KEL: variants seen among roughly 807,000 people sequenced by gnomAD.
The protein encoded by KEL is Kell metallo-endopeptidase (Kell blood group), also known as kell blood group glycoprotein.
KEL carries 96 observed loss-of-function variants against 99.5 expected under a neutral mutation model. The observed-to-expected ratio is 0.97, with a 90% CI of 0.82 to 1.14. The LOEUF (loss-of-function observed/expected upper bound fraction) is 1.14, where lower values mean the gene tolerates loss of function less well. Ranked by LOEUF, KEL falls within the 50% of genes most tolerant of loss-of-function variation. The probability of loss-of-function intolerance (pLI) is 0.00; values close to 1 mark genes in which losing one functional copy is unlikely to be tolerated. For missense variants in KEL, 926 were observed against 924.2 expected (o/e 1.00, Z -0.03); for synonymous variants, 355 against 354.8 (o/e 1.00, Z -0.01).
intron 6 of KEL, among the ~76,000 whole-genome samples, chr7:142,956,506 C>T (rs925149512): frequency 6.6e-6 from 1 of 151,688 alleles, no homozygotes; most frequent in Non-Finnish European, 1.5e-5. Flanking sequence ...TCAGGCTCAA[C>T]CTTATGTCTT....
chr7:142,942,494 C>A lies in KEL; in HGVS notation c.1977G>T (p.Glu659Asp). 1 of 1,610,458 alleles carries A rather than the reference C, an allele frequency of 6.2e-7. No individual in the cohort carries two copies. Among genetic ancestry groups the A allele is most frequent in the Non-Finnish European group, 8.5e-7 (1 of 1,178,464 alleles). ...TGAGGTCCAGGCTGGGCAGGACAGT[C>A]TCCCCATGGTGCCGTAACAGCCTCT... ...YSKRLLRHHGETVLPSLDLSP... is the reference protein window; with the variant it reads ...YSKRLLRHHGDTVLPSLDLSP... Residue 659 changes from glutamate to aspartate, a missense_variant, in exon 18 of 19, where the codon GAG becomes GAT. By Grantham distance (45) the Glu-to-Asp change is conservative. Coordinates refer to ENST00000355265, the MANE Select transcript of KEL (RefSeq NM_000420.3).
chr7:142,946,266 C>A lies in KEL; in HGVS notation c.1255G>T (p.Glu419Ter), dbSNP rs768079132. The change falls in exon 11 of 19, where the codon GAG becomes TAG. Residue 419 changes from glutamate (E) to a stop codon, truncating the protein, a stop_gained. Coordinates refer to ENST00000355265, the MANE Select transcript of KEL (RefSeq NM_000420.3). LOFTEE classifies it high-confidence loss of function. ...ACAAACAAAGCCGCCAGCGTGGGCT[C>A]GAAGAACGTGCCTGTCTCCTCCACG... ...KCVEETGTFF[E>*]PTLAALFVRE... 3.7e-6 allele frequency: 6 copies of A among 1,614,098 alleles called. No homozygotes were observed. The highest frequency in any genetic ancestry group is 5.1e-6 in the Non-Finnish European group (6 of 1,180,014).
intron 6 of KEL, 114 bp from the exon 7 acceptor site, chr7:142,954,641 T>G: frequency 2.2e-6 from 2 of 907,060 alleles, no homozygotes. Context: ...ACACAAAGAT[T>G]GGACAGAAGA....
In KEL at chr7:142,941,680, G is replaced by A. The variant is rs564091510; in HGVS notation, c.2038-267C>T. The stretch of plus-strand genomic sequence containing the variant: ...CTCTGGGGTGAAGTCTAATCTAAGC[G>A]TGTTGAAGACCTGGCACCTGAGTCT... On this transcript the variant is annotated intron_variant, in intron 18 of 18. Transcript: ENST00000355265. 1.6e-4 allele frequency among the ~76,000 whole-genome samples: 24 copies of A among 152,218 alleles called. No homozygotes were observed. In the South Asian group the frequency reaches 2.3e-3, roughly 14 times the overall value.
intron 12 of KEL, 68 bp downstream of exon 12, chr7:142,944,575 C>T (rs1444628785): frequency 1.3e-5 from 18 of 1,387,120 alleles, no homozygotes; most frequent in Non-Finnish European, 1.8e-5. Context: ...TTCCAATCCC[C>T]ATCTCGCTTG....
At position 142,954,467 on chromosome 7, in the gene KEL, G is replaced by T; in HGVS notation, c.733C>A (p.Gln245Lys). 1 of 1,613,812 alleles carries T rather than the reference G, an allele frequency of 6.2e-7. No homozygotes were observed. The highest frequency in any genetic ancestry group is 1.1e-5 in the South Asian group (1 of 91,066). The change falls in exon 7 of 19, where the codon CAG becomes AAG. Residue 245 changes from glutamine to lysine, a missense_variant and splice_region_variant. Gln to Lys is a moderately conservative substitution (Grantham distance 53, BLOSUM62 1). Coordinates refer to ENST00000355265, the MANE Select transcript of KEL (RefSeq NM_000420.3). ...CCTTTGTCCATGTGCCATCTTACCT[G>T]GGCATAGATCTTCTGTTCTTGATCT... The part of the protein sequence containing the change: ...KQDQEQKIYA[Q>K]IFREYLTYLN...
At chr7:142,941,434 T>C (rs370330336) in intron 18 of KEL, 21 bp from the exon 19 acceptor site, 12 of 1,566,668 alleles carry the variant, frequency 7.7e-6, no homozygotes, top group African/African-American at 2.7e-5. Flanking sequence ...AGAGAGGTCA[T>C]TGAAGGGGGA....
intron 8 of KEL, 99 bp from the exon 9 acceptor site, chr7:142,954,055 TG>T: frequency 6.9e-7 from 1 of 1,450,040 alleles, no homozygotes; most frequent in Non-Finnish European, 9.6e-7. Flanking sequence ...ACAGGCTAAC[TG>T]GGGGAGGGGA....
At chr7:142,941,572 G>A (rs1304408691) in intron 18 of KEL, among the ~76,000 whole-genome samples, 159 bp from the exon 19 acceptor site, 5 of 152,154 alleles carry the variant, frequency 3.3e-5, no homozygotes. Flanking sequence ...CATTTAATCT[G>A]GCAATAGGAG....
chr7:142,954,443 C>A (rs2116671524), intron 7 of KEL, 22 bp downstream of exon 7: 1 of 1,612,328 alleles, frequency 6.2e-7, no homozygotes, highest in South Asian at 1.1e-5. Flanking sequence ...AGGGCAGGGC[C>A]TTTGTCCATG....
chr7:142,960,245 A>T (rs1218339133), intron 4 of KEL, among the ~76,000 whole-genome samples: 1 of 152,040 alleles, frequency 6.6e-6, no homozygotes, highest in Non-Finnish European at 1.5e-5. Flanking sequence ...TCACCCCACC[A>T]TCCTACCCCT....
intron 3 of KEL, 35 bp downstream of exon 3, chr7:142,961,325 G>A (rs770443626): frequency 1.2e-6 from 2 of 1,612,448 alleles, no homozygotes; most frequent in Non-Finnish European, 1.7e-6. Context: ...CTGGGGGAGG[G>A]CTGACTAGGT....
intron 6 of KEL, 77 bp downstream of exon 6, chr7:142,957,750 A>G: frequency 1.3e-6 from 2 of 1,579,080 alleles, no homozygotes; most frequent in Non-Finnish European, 1.7e-6. Flanking sequence ...CCAACCTGCA[A>G]CCTTCCTCTA....
At chr7:142,944,824 A>G in intron 11 of KEL, 83 bp from the exon 12 acceptor site, 2 of 1,133,540 alleles carry the variant, frequency 1.8e-6, no homozygotes, top group Non-Finnish European at 1.3e-6. Flanking sequence ...TGACCCTTGG[A>G]AAAGGGCTTG....
At position 142,941,369 on chromosome 7, in the gene KEL, G is replaced by T. The variant is rs539392679; in HGVS notation, c.2082C>A (p.His694Gln). 1 of 1,610,750 alleles carries T rather than the reference G, an allele frequency of 6.2e-7. No homozygotes were observed. The highest frequency in any genetic ancestry group is 1.1e-5 in the South Asian group (1 of 90,996). Residue 694 changes from histidine to glutamine, a missense_variant, in exon 19 of 19, where the codon CAC (histidine) becomes CAA (glutamine). Physicochemically the swap from His to Gln is conservative, Grantham distance 24. Transcript: ENST00000355265. ...KPSPQDSHDT[H>Q]SPPHLRVHGP... ...CGTGGACTCGGAGGTGTGGAGGGCT[G>T]TGAGTGTCGTGAGAGTCCTGGGGGC...
intron 1 of KEL, 37 bp from the exon 2 acceptor site, chr7:142,961,909 T>C: frequency 1.2e-6 from 2 of 1,610,196 alleles, no homozygotes; most frequent in South Asian, 2.2e-5. Flanking sequence ...AGAGAGAAGC[T>C]GGTTCAGGAA....
In KEL at chr7:142,952,511, T is replaced by C. The variant is rs1193933737; in HGVS notation, c.1201A>G (p.Met401Val). 4 of 1,613,752 alleles carry C rather than the reference T, an allele frequency of 2.5e-6. No homozygotes were observed. In the Admixed American group the frequency reaches 6.7e-5, roughly 27 times the overall value. Residue 401 changes from methionine to valine, a missense_variant and splice_region_variant, in exon 10 of 19, where the codon ATG (methionine) becomes GTG (valine). Physicochemically the swap from Met to Val is conservative, Grantham distance 21. Transcript: ENST00000355265. ...KLRELTEQPP[M>V]PARPRWMKCV... ...AATACACCCGCTCCTCTCCTCACCA[T>C]GGGTGGTTGCTCTGTCAGTTCCCGC...
Position 142,961,856 on chromosome 7 carries a change from C to T in KEL, c.20G>A (p.Ser7Asn), listed in dbSNP as rs776736607. The T allele has an allele frequency of 3.7e-6, 6 of 1,614,142 alleles. No homozygotes were observed. Among genetic ancestry groups the T allele is most frequent in the Non-Finnish European group, 5.1e-6 (6 of 1,180,020 alleles). The change falls in exon 2 of 19, where the codon AGT becomes AAT. Residue 7 changes from serine to asparagine, a missense_variant. Ser to Asn is a conservative substitution (Grantham distance 46). Transcript: ENST00000355265. Reference protein sequence around the residue: MEGGDQSEEEPRERSQA... With the variant: MEGGDQNEEEPRERSQA... ...GCTGCGTTCCCTCGGCTCTTCCTCA[C>T]TTTGGTCCCCACCTTCCTGAAGTGA...
chr7:142,944,162 C>G (rs191658337), intron 13 of KEL, among the ~76,000 whole-genome samples, 161 bp downstream of exon 13: 1 of 152,178 alleles, frequency 6.6e-6, no homozygotes, highest in Admixed American at 6.5e-5. Flanking sequence ...GCCAGCAAGA[C>G]GTACAGTGTG....
Sources: allele counts gnomAD v4.1 joint callset (sites outside exome capture counted in the v4.1 genomes callset), GRCh38; gene constraint gnomAD v4.1.1; transcripts MANE v1.5; gene names NCBI Gene and HGNC (gene_info 2026-07-23, HGNC 2026-07-21).